FAM107B: variants seen among roughly 807,000 people sequenced by gnomAD.
FAM107B encodes protein FAM107B.
FAM107B carries 21 observed loss-of-function variants against 31.5 expected under a neutral mutation model. The observed-to-expected ratio is 0.67, with a 90% CI of 0.47 to 0.96. FAM107B has a LOEUF of 0.96. Ranked by LOEUF, FAM107B falls within the 40% of genes least tolerant of loss-of-function variation. The probability of loss-of-function intolerance (pLI) is 0.00; values close to 1 mark genes in which losing one functional copy is unlikely to be tolerated. For missense variants in FAM107B, 452 were observed against 377.1 expected (o/e 1.20, Z -1.64); for synonymous variants, 157 against 141.5 (o/e 1.11, Z -0.78).
intron 2 of FAM107B, among the ~76,000 whole-genome samples, chr10:14,642,273 C>T (rs79175003): frequency 0.027 from 4,159 of 152,316 alleles, 73 homozygotes; most frequent in East Asian, 0.061. Flanking sequence ...GGGGCCCTGC[C>T]CCTGTGGTTC....
intron 2 of FAM107B, among the ~76,000 whole-genome samples, chr10:14,562,023 C>T (rs1371421001): frequency 1.3e-5 from 2 of 152,074 alleles, no homozygotes; most frequent in African/African-American, 2.4e-5. Context: ...TGATCTCAAC[C>T]GATCCACCCG....
chr10:14,701,670 A>G (rs1855401538), intron 1 of FAM107B, among the ~76,000 whole-genome samples: 1 of 152,198 alleles, frequency 6.6e-6, no homozygotes, highest in Non-Finnish European at 1.5e-5. Flanking sequence ...GTTACGCATC[A>G]GGAAACCAGA....
chr10:14,735,339 G>C (rs112070986), intron 1 of FAM107B, among the ~76,000 whole-genome samples: 8 of 151,952 alleles, frequency 5.3e-5, no homozygotes, highest in African/African-American at 1.7e-4. Flanking sequence ...TGAATCTTAT[G>C]TGTGGCCCAA....
At chr10:14,752,370 C>T (rs1196752986) in intron 1 of FAM107B, among the ~76,000 whole-genome samples, 5 of 152,218 alleles carry the variant, frequency 3.3e-5, no homozygotes, top group Admixed American at 2.6e-4. Flanking sequence ...TGCAGTTTCT[C>T]GATCCTGTAC....
chr10:14,767,342 T>A (rs1833204492), intron 1 of FAM107B, among the ~76,000 whole-genome samples: 1 of 151,136 alleles, frequency 6.6e-6, no homozygotes, highest in Non-Finnish European at 1.5e-5. Flanking sequence ...TTCACCCACG[T>A]CAGCCTCCCG....
At chr10:14,709,746 A>G (rs1205343041) in intron 1 of FAM107B, among the ~76,000 whole-genome samples, 1 of 152,258 alleles carries the variant, frequency 6.6e-6, no homozygotes, top group African/African-American at 2.4e-5. Flanking sequence ...AGTGATAAAA[A>G]GAAGTGCACA....
At chr10:14,722,798 C>T (rs1011095742) in intron 1 of FAM107B, among the ~76,000 whole-genome samples, 6 of 152,106 alleles carry the variant, frequency 3.9e-5, no homozygotes, top group African/African-American at 1.4e-4. Context: ...CCTTTTGAAG[C>T]ATGAAAGTTT....
chr10:14,635,135 A>G lies in FAM107B; in HGVS notation c.469+32499T>C, dbSNP rs117961095. On this transcript the variant is annotated intron_variant, in intron 2 of 4. Coordinates refer to ENST00000181796, the MANE Select transcript of FAM107B (RefSeq NM_031453.4). ...AAAAAAAGGAAAGAAGAAAGGAAGG[A>G]AGGGAGGGAGGGAGGGAGGGGAAGA... is the stretch of plus-strand genomic sequence containing the variant. Among the ~76,000 whole-genome samples the G allele has an allele frequency of 6.4e-3, 885 of 137,498 alleles. 48 individuals are homozygous for G. In the East Asian group the frequency reaches 0.16, roughly 25 times the overall value. 90.2% of individuals were successfully genotyped at this position (137,498 alleles called of 152,430 possible). A position where few individuals can be genotyped will look rare whatever the true frequency, so the allele number is the denominator to read the frequency against.
At chr10:14,714,728 G>GA (rs1855743921) in intron 1 of FAM107B, among the ~76,000 whole-genome samples, 3 of 152,286 alleles carry the variant, frequency 2.0e-5, no homozygotes, top group Middle Eastern at 3.4e-3. Flanking sequence ...CCCTAAAAGG[G>GA]ATGACTTCAC....
At chr10:14,613,275 A>T (rs1333992536) in intron 2 of FAM107B, among the ~76,000 whole-genome samples, 3 of 152,158 alleles carry the variant, frequency 2.0e-5, no homozygotes, top group Admixed American at 2.0e-4. Flanking sequence ...CCGAGCCCAT[A>T]AACTTTCAAT....
At chr10:14,575,240 A>G (rs974606360) in intron 2 of FAM107B, among the ~76,000 whole-genome samples, 2 of 150,858 alleles carry the variant, frequency 1.3e-5, no homozygotes, top group African/African-American at 4.9e-5. Context: ...GTCTCGCTCT[A>G]TCGCCCAGGC....
Position 14,721,347 on chromosome 10 carries a change from T to A in FAM107B, c.411+52906A>T, listed in dbSNP as rs540273243. On this transcript the variant is annotated intron_variant, in intron 1 of 4. Transcript: ENST00000181796. ...TTATAGCAGCATGATTTATAATCCT[T>A]TGGGTATATACCCAGTAATGGGATG... 1.5e-3 allele frequency among the ~76,000 whole-genome samples: 226 copies of A among 152,350 alleles called. 1 individual carries two copies. The highest frequency in any genetic ancestry group is 5.1e-3 in the African/African-American group (213 of 41,584).
At chr10:14,712,485 T>C (rs951558720) in intron 1 of FAM107B, among the ~76,000 whole-genome samples, 1 of 151,490 alleles carries the variant, frequency 6.6e-6, no homozygotes, top group African/African-American at 2.4e-5. Flanking sequence ...CCCCCGCTAC[T>C]AGGGAGGCTG....
At chr10:14,614,628 G>A (rs1436724504) in intron 2 of FAM107B, among the ~76,000 whole-genome samples, 4 of 149,432 alleles carry the variant, frequency 2.7e-5, no homozygotes, top group Admixed American at 6.7e-5. Context: ...AACCAAGATC[G>A]TGCCATTGCA....
chr10:14,614,638 A>C (rs1449038970), intron 2 of FAM107B, among the ~76,000 whole-genome samples: 1 of 146,856 alleles, frequency 6.8e-6, no homozygotes, highest in Non-Finnish European at 1.5e-5. Flanking sequence ...GTGCCATTGC[A>C]CTCCAGCCTG....
At chr10:14,684,033 C>T (rs1251903316) in intron 1 of FAM107B, among the ~76,000 whole-genome samples, 4 of 152,232 alleles carry the variant, frequency 2.6e-5, no homozygotes, top group African/African-American at 9.6e-5. Flanking sequence ...CTAGAGGCTG[C>T]AAAGTCCAAG....
intron 2 of FAM107B, chr10:14,532,782 C>T (rs1320325601): frequency 2.0e-5 from 3 of 152,228 alleles, no homozygotes; most frequent in Non-Finnish European, 4.4e-5. Flanking sequence ...CCATAAAAGG[C>T]TCCGTATTTC....
chr10:14,717,747 C>A (rs1384101316), intron 1 of FAM107B, among the ~76,000 whole-genome samples: 2 of 73,174 alleles, frequency 2.7e-5, no homozygotes, highest in South Asian at 3.2e-4. Flanking sequence ...CCTCTGGCAA[C>A]CCCCTCCCAG....
chr10:14,630,536 A>T (rs935423816), intron 2 of FAM107B, among the ~76,000 whole-genome samples: 69 of 139,712 alleles, frequency 4.9e-4, no homozygotes, highest in Non-Finnish European at 9.2e-4. Context: ...TATGTTTTTT[A>T]AAAAAATCAC....
Sources: gnomAD v4.1 joint callset for allele counts (sites outside exome capture counted in the v4.1 genomes callset) on GRCh38, gnomAD v4.1.1 for gene constraint, MANE v1.5 for transcripts, NCBI Gene and HGNC (gene_info 2026-07-23, HGNC 2026-07-21) for gene names.